KIRREL1: variants seen among roughly 807,000 people sequenced by gnomAD.
The protein encoded by KIRREL1 is kin of IRRE-like protein 1.
A neutral mutation model predicts 83.3 loss-of-function variants in KIRREL1; 25 were observed. That is an observed-to-expected ratio of 0.30 (90% confidence interval 0.22 to 0.42). The LOEUF is 0.42. Ranked by LOEUF, KIRREL1 falls within the 10% of genes least tolerant of loss-of-function variation. The pLI, the probability that KIRREL1 is intolerant of heterozygous loss-of-function variation, is 1.00. For missense variants in KIRREL1, 812 were observed against 1,032.3 expected (o/e 0.79, Z 2.92); for synonymous variants, 388 against 410.4 (o/e 0.95, Z 0.66).
At chr1:158,063,661 G>A (rs1313261043) in intron 1 of KIRREL1, among the ~76,000 whole-genome samples, 1 of 152,170 alleles carries the variant, frequency 6.6e-6, no homozygotes, top group African/African-American at 2.4e-5. Flanking sequence ...CTGTTTCTAG[G>A]ATCCTAAAAG....
rs1310882131 is a variant in KIRREL1, at chr1:158,094,850, T to C, written c.2004T>C (p.Pro668=). 1.6e-5 allele frequency: 26 copies of C among 1,613,864 alleles called. No homozygotes were observed. Among genetic ancestry groups the C allele is most frequent in the Admixed American group, 5.0e-5 (3 of 60,000 alleles). ...ACTATGGCCCTGAGCCCACACCCCC[T>C]GGCCCTGCTGCCCCAGCTGGCACTG... The part of the protein sequence containing the change: ...ASDYGPEPTP[P]GPAAPAGTDT... Residue 668 remains proline (P), a synonymous_variant, in exon 15 of 15, where the codon CCT becomes CCC. Coordinates refer to ENST00000359209, the MANE Select transcript of KIRREL1 (RefSeq NM_018240.7). The surrounding 1 kb of genome is among the most constrained non-coding windows in gnomAD (Gnocchi z 4.6).
At chr1:157,998,687 G>A (rs1228177884) in intron 1 of KIRREL1, among the ~76,000 whole-genome samples, 4 of 152,294 alleles carry the variant, frequency 2.6e-5, no homozygotes, top group Admixed American at 1.3e-4. Context: ...TTCCAAATTT[G>A]TCTGGTCCCT....
chr1:158,020,988 C>T (rs188211562), intron 1 of KIRREL1, among the ~76,000 whole-genome samples: 2 of 152,212 alleles, frequency 1.3e-5, no homozygotes, highest in Admixed American at 6.5e-5. Context: ...AAGCAGTGGC[C>T]CATATCTTCT....
At chr1:158,069,254 G>A (rs894205426) in intron 1 of KIRREL1, among the ~76,000 whole-genome samples, 8 of 151,952 alleles carry the variant, frequency 5.3e-5, no homozygotes, top group Admixed American at 4.6e-4. Context: ...AAATGCATGC[G>A]CTTGTGTGTT....
chr1:158,038,060 C>T lies in KIRREL1; in HGVS notation c.53-38053C>T, dbSNP rs368148676. 2.0e-5 allele frequency among the ~76,000 whole-genome samples: 3 copies of T among 152,214 alleles called. No homozygotes were observed. In the East Asian group the frequency reaches 5.8e-4, roughly 29 times the overall value. ...AAGTTAGGGTCTGGCTCTGTGCCCA[C>T]GACCTTCCTGGGGAGCTCGTCTCAG... On this transcript the variant is annotated intron_variant, in intron 1 of 14. Coordinates refer to ENST00000359209, the MANE Select transcript of KIRREL1 (RefSeq NM_018240.7).
chr1:158,080,746 C>T (rs1247430365), intron 3 of KIRREL1, among the ~76,000 whole-genome samples: 6 of 152,122 alleles, frequency 3.9e-5, no homozygotes, highest in Non-Finnish European at 7.4e-5. Context: ...CTGAGCAGAC[C>T]AGGAGGCCCT....
intron 1 of KIRREL1, among the ~76,000 whole-genome samples, chr1:158,053,995 G>A (rs1296681789): frequency 2.6e-5 from 4 of 151,704 alleles, no homozygotes; most frequent in South Asian, 4.2e-4. Context: ...GGTGGATCAC[G>A]AGGTCAGGAG....
chr1:158,038,164 G>A (rs571476883), intron 1 of KIRREL1, among the ~76,000 whole-genome samples: 115 of 152,346 alleles, frequency 7.5e-4, no homozygotes, highest in Middle Eastern at 6.8e-3. Context: ...GGTCCGTGTG[G>A]TGACTCCATC....
Position 158,096,212 on chromosome 1 carries a change from A to C in KIRREL1, c.*1092A>C. ...TTCAGTCTCCAAGCACTTTGAATCCATTTTTAAACATTCAGGTTGCCAGAC... is the reference window on the plus strand; with the variant it reads ...TTCAGTCTCCAAGCACTTTGAATCCCTTTTTAAACATTCAGGTTGCCAGAC... On this transcript the variant is annotated 3_prime_UTR_variant, in exon 15 of 15. Transcript: ENST00000359209. 1 of 222,684 alleles carries C rather than the reference A, an allele frequency of 4.5e-6. No individual in the cohort carries two copies. Among genetic ancestry groups the C allele is most frequent in the Non-Finnish European group, 9.0e-6 (1 of 110,844 alleles). 13.8% of individuals were successfully genotyped at this position (222,684 alleles called of 1,614,324 possible).
rs2101624849 is a variant in KIRREL1 at position 158,076,253 on chromosome 1, G to A, written c.193G>A (p.Gly65Ser). 1 of 1,613,914 alleles carries A rather than the reference G, an allele frequency of 6.2e-7. No homozygotes were observed. Among genetic ancestry groups the A allele is most frequent in the African/African-American group, 1.3e-5 (1 of 75,034 alleles). Residue 65 changes from glycine to serine, a missense_variant, in exon 2 of 15, where the codon GGC becomes AGC. Coordinates refer to ENST00000359209, the MANE Select transcript of KIRREL1 (RefSeq NM_018240.7). ...CGGGCTGGCCCTGGGCATGGGCCAG[G>A]GCCTCAAAGGTGAGTGCCTGGCTAC... is the stretch of plus-strand genomic sequence containing the variant. The part of the protein sequence containing the change: ...KDGLALGMGQ[G>S]LKAWPRYRVV...
chr1:158,038,692 G>A (rs768845075), intron 1 of KIRREL1, among the ~76,000 whole-genome samples: 3 of 152,016 alleles, frequency 2.0e-5, no homozygotes, highest in Non-Finnish European at 4.4e-5. Context: ...AGCCCTGGGA[G>A]ATCTCACAAA....
Position 158,094,649 on chromosome 1 carries a change from C to T in KIRREL1, c.1803C>T (p.Pro601=). 6.3e-7 allele frequency: 1 copy of T among 1,592,818 alleles called. No homozygotes were observed. The highest frequency in any genetic ancestry group is 8.5e-7 in the Non-Finnish European group (1 of 1,171,088). The part of the protein sequence containing the change: ...DTREEYEMKD[P]TNGYYNVRAH... ...TCTTCTCTCATTGCCCCCAGGACCC[C>T]ACCAATGGCTACTACAACGTGCGTG... Residue 601 remains proline (P), a synonymous_variant, in exon 15 of 15, where the codon CCC becomes CCT. Transcript: ENST00000359209. The surrounding 1 kb of genome is among the most constrained non-coding windows in gnomAD (Gnocchi z 4.6).
chr1:158,085,537 T>TTA (rs1661989117), intron 4 of KIRREL1, among the ~76,000 whole-genome samples: 3 of 152,232 alleles, frequency 2.0e-5, no homozygotes, highest in Non-Finnish European at 4.4e-5. Flanking sequence ...TTAGATATTT[T>TTA]GGCAACCAAA....
chr1:158,087,950 A>G, intron 6 of KIRREL1, 56 bp from the exon 7 acceptor site: 2 of 1,610,816 alleles, frequency 1.2e-6, no homozygotes, highest in Non-Finnish European at 1.7e-6. Flanking sequence ...GGTGTCATGG[A>G]TGTAGTTGAG....
At chr1:158,046,569 G>C (rs1214083074) in intron 1 of KIRREL1, among the ~76,000 whole-genome samples, 1 of 152,114 alleles carries the variant, frequency 6.6e-6, no homozygotes, top group African/African-American at 2.4e-5. Context: ...GAACCAAGAG[G>C]GAGGGGAGGG....
intron 1 of KIRREL1, among the ~76,000 whole-genome samples, chr1:158,034,465 T>C (rs1660422110): frequency 6.6e-6 from 1 of 151,766 alleles, no homozygotes; most frequent in South Asian, 2.1e-4. Flanking sequence ...AATGGAAGGG[T>C]GTTGTTTTCT....
At position 158,096,811 on chromosome 1, in the gene KIRREL1, T is replaced by A; in HGVS notation, c.*1691T>A. ...GTTGGCTGTTTCCCGCCTCCCCAGC[T>A]GCATGTCCAGCCCAGTGGGAGACAG... On this transcript the variant is annotated 3_prime_UTR_variant, in exon 15 of 15. Transcript: ENST00000359209. 2.2e-6 allele frequency: 1 copy of A among 456,732 alleles called. No homozygotes were observed. Among genetic ancestry groups the A allele is most frequent in the Non-Finnish European group, 4.4e-6 (1 of 226,964 alleles). The allele number at this position is 456,732 out of a possible 1,614,324, so 28.3% of individuals were successfully genotyped here.
intron 1 of KIRREL1, among the ~76,000 whole-genome samples, chr1:158,068,515 G>A (rs1661416845): frequency 6.6e-6 from 1 of 152,204 alleles, no homozygotes; most frequent in African/African-American, 2.4e-5. Context: ...CAGGCACAGA[G>A]CTTTACTCTG....
At chr1:158,083,369 G>A (rs1661921323) in intron 3 of KIRREL1, among the ~76,000 whole-genome samples, 1 of 152,210 alleles carries the variant, frequency 6.6e-6, no homozygotes, top group Non-Finnish European at 1.5e-5. Context: ...ACCATGGTGG[G>A]GGTGGGCTAC....
Sources: allele counts gnomAD v4.1 joint callset (sites outside exome capture counted in the v4.1 genomes callset), GRCh38; gene constraint gnomAD v4.1.1; non-coding constraint Gnocchi (gnomAD v3.1); transcripts MANE v1.5; gene names NCBI Gene and HGNC (gene_info 2026-07-23, HGNC 2026-07-21).